The following THSD4 variants were observed in gnomAD, a reference collection of about 807,000 sequenced individuals.
The protein encoded by THSD4 is thrombospondin type-1 domain-containing protein 4.
In THSD4, 69 loss-of-function variants were observed where a neutral mutation model predicts 119.0. That is an observed-to-expected ratio of 0.58 (90% confidence interval 0.48 to 0.71). The LOEUF (loss-of-function observed/expected upper bound fraction) is 0.71, where lower values mean the gene tolerates loss of function less well. THSD4 is among the 30% of genes least tolerant of loss of function. The pLI is 0.00. For synonymous variants in THSD4, 524 were observed against 540.4 expected (o/e 0.97, Z 0.42); for missense variants, 1,393 against 1,391.1 (o/e 1.00, Z -0.02).
chr15:71,373,900 T>TA (rs549804115), intron 6 of THSD4, among the ~76,000 whole-genome samples: 47 of 152,298 alleles, frequency 3.1e-4, no homozygotes, highest in Admixed American at 1.1e-3. Flanking sequence ...CCCTGAGAAT[T>TA]AAAAATCATT....
intron 8 of THSD4, among the ~76,000 whole-genome samples, chr15:71,727,830 A>G (rs1337089720): frequency 6.6e-6 from 1 of 151,000 alleles, no homozygotes; most frequent in Non-Finnish European, 1.5e-5. Flanking sequence ...GAACAATGCA[A>G]GTATGATAAA....
At chr15:71,341,084 T>C (rs2045561644) in intron 6 of THSD4, 1 of 1,090,362 alleles carries the variant, frequency 9.2e-7, no homozygotes, top group African/African-American at 1.6e-5. Flanking sequence ...CCTTTTCTTT[T>C]CTATTGTCTC....
chr15:71,301,012 T>G (rs2044941025), intron 6 of THSD4, among the ~76,000 whole-genome samples: 1 of 152,216 alleles, frequency 6.6e-6, no homozygotes, highest in Admixed American at 6.5e-5. Context: ...CAGGTCCTGT[T>G]TTATTTAAAA....
At chr15:71,588,261 G>C (rs992989473) in intron 7 of THSD4, among the ~76,000 whole-genome samples, 1 of 146,182 alleles carries the variant, frequency 6.8e-6, no homozygotes, top group Admixed American at 6.8e-5. Context: ...AGCCGAGATC[G>C]CGCCACTGCA....
At chr15:71,234,596 G>GCTAGTCAAA (rs2044088545) in intron 4 of THSD4, among the ~76,000 whole-genome samples, 1 of 152,206 alleles carries the variant, frequency 6.6e-6, no homozygotes, top group African/African-American at 2.4e-5. Flanking sequence ...CATCCAGCCT[G>GCTAGTCAAA]CTAGTCAAAC....
At chr15:71,268,455 C>T (rs1428860652) in intron 6 of THSD4, among the ~76,000 whole-genome samples, 2 of 152,134 alleles carry the variant, frequency 1.3e-5, no homozygotes, top group Non-Finnish European at 2.9e-5. Flanking sequence ...ACAGCTAAAG[C>T]AGTGTTGACA....
intron 8 of THSD4, among the ~76,000 whole-genome samples, chr15:71,723,941 G>A (rs756932776): frequency 2.2e-4 from 34 of 151,792 alleles, no homozygotes; most frequent in Non-Finnish European, 3.7e-4. Context: ...GTGGTGGTGC[G>A]CACCTGTGGG....
chr15:71,134,436 G>A (rs759901918), intron 1 of THSD4, among the ~76,000 whole-genome samples: 5 of 152,230 alleles, frequency 3.3e-5, no homozygotes, highest in Non-Finnish European at 7.3e-5. Context: ...TCTCTTCCTA[G>A]GGCAGTCTAG....
chr15:71,326,726 T>TATATATATATATATATATA (rs1491127315), intron 6 of THSD4, among the ~76,000 whole-genome samples: 106 of 87,978 alleles, frequency 1.2e-3, no homozygotes, highest in Non-Finnish European at 1.9e-3. Context: ...TATATATATA[T>TATATATATATATATATATA]TAGCTGGGTG....
intron 8 of THSD4, among the ~76,000 whole-genome samples, chr15:71,694,535 T>G (rs768231704): frequency 1.1e-4 from 17 of 152,248 alleles, no homozygotes; most frequent in Non-Finnish European, 1.9e-4. Flanking sequence ...ATTGAAATTT[T>G]TATTGAAATA....
chr15:71,355,047 A>G (rs558341751), intron 6 of THSD4, among the ~76,000 whole-genome samples: 2 of 152,320 alleles, frequency 1.3e-5, no homozygotes, highest in African/African-American at 4.8e-5. Context: ...AGCATTACAA[A>G]TGTTTCGTAA....
At chr15:71,532,283 AGTGTGTGTGTGTGTGT>A (rs1210856261) in intron 7 of THSD4, among the ~76,000 whole-genome samples, 1,346 of 101,622 alleles carry the variant, frequency 0.013, 42 homozygotes, top group African/African-American at 0.041. Flanking sequence ...AGAGAGAGAG[AGTGTGTGTGTGTGTGT>A]GTGTGTGTGT....
chr15:71,532,546 A>G (rs561866291), intron 7 of THSD4, among the ~76,000 whole-genome samples: 41 of 151,432 alleles, frequency 2.7e-4, no homozygotes, highest in African/African-American at 9.7e-4. Context: ...CAATCTCTTG[A>G]CCTCGCAATC....
intron 4 of THSD4, among the ~76,000 whole-genome samples, chr15:71,216,798 A>G (rs953996274): frequency 6.6e-6 from 1 of 152,230 alleles, no homozygotes; most frequent in African/African-American, 2.4e-5. Flanking sequence ...GCATAGCTCC[A>G]TAGTCCCTTA....
chr15:71,641,825 T>TA (rs1055444302), intron 7 of THSD4, among the ~76,000 whole-genome samples: 448 of 146,026 alleles, frequency 3.1e-3, no homozygotes, highest in African/African-American at 7.2e-3. Context: ...AAAGAAACTG[T>TA]AAAAAAAAAA....
chr15:71,365,131 TTGTGTGTGTGTGTG>T (rs10690804), intron 6 of THSD4, among the ~76,000 whole-genome samples: 3 of 135,824 alleles, frequency 2.2e-5, no homozygotes, highest in Admixed American at 7.6e-5. Context: ...GCCCCCCCCA[TTGTGTGTGTGTGTG>T]TGTGTGTGTG....
intron 7 of THSD4, among the ~76,000 whole-genome samples, chr15:71,587,580 A>G (rs2049697722): frequency 8.6e-6 from 1 of 116,528 alleles, no homozygotes; most frequent in African/African-American, 2.8e-5. Context: ...CAATGAGATT[A>G]CATGGACACA....
chr15:71,108,440 G>A (rs561235013), intron 1 of THSD4, among the ~76,000 whole-genome samples: 24 of 152,224 alleles, frequency 1.6e-4, no homozygotes, highest in South Asian at 6.2e-4. Flanking sequence ...GCTTTGAGCC[G>A]GGAAGATCCT....
intron 8 of THSD4, among the ~76,000 whole-genome samples, chr15:71,728,222 G>A (rs921546241): frequency 1.3e-5 from 2 of 152,000 alleles, no homozygotes; most frequent in South Asian, 2.1e-4. Context: ...ATATAAATAC[G>A]TTTCCCTTCC....
Sources: allele counts gnomAD v4.1 joint callset (sites outside exome capture counted in the v4.1 genomes callset), GRCh38; gene constraint gnomAD v4.1.1; transcripts MANE v1.5; gene names NCBI Gene and HGNC (gene_info 2026-07-23, HGNC 2026-07-21).